Variants in CNTNAP2 observed in about 807,000 individuals in gnomAD.
CNTNAP2 encodes the protein contactin associated protein 2, also known as contactin-associated protein-like 2.
CNTNAP2 carries 98 observed loss-of-function variants against 155.2 expected under a neutral mutation model. That is an observed-to-expected ratio of 0.63 (90% confidence interval 0.54 to 0.75). CNTNAP2 has a LOEUF of 0.75. Ranked by LOEUF, CNTNAP2 falls within the 30% of genes least tolerant of loss-of-function variation. CNTNAP2 has a pLI of 0.00. For missense variants in CNTNAP2, 1,727 were observed against 1,688.1 expected (o/e 1.02, Z -0.40); for synonymous variants, 651 against 631.2 (o/e 1.03, Z -0.47).
intron 1 of CNTNAP2, among the ~76,000 whole-genome samples, chr7:146,451,393 A>T (rs2129122307): frequency 6.6e-6 from 1 of 151,288 alleles, no homozygotes; most frequent in Non-Finnish European, 1.5e-5. Flanking sequence ...AAACCATCTC[A>T]CTCCTTCATG....
intron 1 of CNTNAP2, among the ~76,000 whole-genome samples, chr7:146,358,208 G>C (rs1016266422): frequency 6.6e-6 from 1 of 151,834 alleles, no homozygotes; most frequent in Admixed American, 6.6e-5. Flanking sequence ...CTAATTTTTT[G>C]TATTTTTAGT....
At chr7:146,142,373 G>T (rs191113574) in intron 1 of CNTNAP2, among the ~76,000 whole-genome samples, 2,316 of 152,238 alleles carry the variant, frequency 0.015, 51 homozygotes, top group African/African-American at 0.052. Flanking sequence ...CCCCTTCAGT[G>T]AGGCATCTTT....
chr7:147,605,913 C>G (rs987268893), intron 12 of CNTNAP2, among the ~76,000 whole-genome samples: 5 of 151,036 alleles, frequency 3.3e-5, no homozygotes, highest in African/African-American at 1.2e-4. Flanking sequence ...CTTTCTCTCT[C>G]TCTGTGTGTG....
chr7:146,935,583 C>T (rs559427778), intron 3 of CNTNAP2, among the ~76,000 whole-genome samples: 8 of 152,258 alleles, frequency 5.3e-5, no homozygotes, highest in African/African-American at 1.9e-4. Flanking sequence ...AGAAATGTAT[C>T]CCTCATGATA....
intron 1 of CNTNAP2, among the ~76,000 whole-genome samples, chr7:146,573,583 A>G (rs564286084): frequency 4.4e-4 from 67 of 152,282 alleles, no homozygotes; most frequent in African/African-American, 1.5e-3. Context: ...TATCATATTG[A>G]ATAGTGTTTA....
intron 3 of CNTNAP2, among the ~76,000 whole-genome samples, chr7:146,942,759 A>C (rs1452758915): frequency 6.6e-6 from 1 of 152,170 alleles, no homozygotes; most frequent in Non-Finnish European, 1.5e-5. Context: ...TGCCAATGTT[A>C]GTGTGTTTTG....
intron 13 of CNTNAP2, among the ~76,000 whole-genome samples, chr7:147,867,030 T>A (rs1186425618): frequency 6.6e-6 from 1 of 152,194 alleles, no homozygotes; most frequent in Admixed American, 6.5e-5. Context: ...ATTGATGCAG[T>A]TTCTTCACAG....
At chr7:147,745,813 C>T (rs115425215) in intron 13 of CNTNAP2, among the ~76,000 whole-genome samples, 110 of 152,278 alleles carry the variant, frequency 7.2e-4, no homozygotes, top group African/African-American at 2.2e-3. Context: ...TCTTCACAAG[C>T]GCAATCATTC....
intron 13 of CNTNAP2, among the ~76,000 whole-genome samples, chr7:147,816,314 G>A (rs1404278687): frequency 6.6e-6 from 1 of 152,184 alleles, no homozygotes; most frequent in Non-Finnish European, 1.5e-5. Flanking sequence ...ATGGGGGATG[G>A]AGAAAGAATG....
chr7:146,189,880 G>C (rs759945927), intron 1 of CNTNAP2, among the ~76,000 whole-genome samples: 4 of 152,096 alleles, frequency 2.6e-5, no homozygotes, highest in African/African-American at 4.8e-5. Flanking sequence ...TTATCATGTA[G>C]AACACTCTTT....
chr7:147,635,728 G>T (rs146339604), intron 12 of CNTNAP2, among the ~76,000 whole-genome samples: 15 of 152,238 alleles, frequency 9.9e-5, no homozygotes, highest in African/African-American at 2.4e-4. Context: ...CTGTAAATGG[G>T]TGACCATTTG....
intron 3 of CNTNAP2, among the ~76,000 whole-genome samples, chr7:146,897,120 A>G (rs569195064): frequency 6.6e-6 from 1 of 152,214 alleles, no homozygotes; most frequent in East Asian, 1.9e-4. Flanking sequence ...AAAAGTCAAA[A>G]CGTCACTCTT....
At chr7:146,304,647 T>C (rs1216073609) in intron 1 of CNTNAP2, among the ~76,000 whole-genome samples, 8 of 152,156 alleles carry the variant, frequency 5.3e-5, no homozygotes. Flanking sequence ...CTGCTGTTAG[T>C]CTCATGGGCT....
chr7:147,359,101 C>G (rs1283993823), intron 9 of CNTNAP2, among the ~76,000 whole-genome samples: 2 of 152,118 alleles, frequency 1.3e-5, no homozygotes, highest in Non-Finnish European at 2.9e-5. Flanking sequence ...ATTTAGTTTA[C>G]TTTTCTGCAT....
rs368905425 is a variant in CNTNAP2 at position 147,639,246 on chromosome 7, G to A, written c.2038G>A (p.Glu680Lys). 162 of 1,613,966 alleles carry A rather than the reference G, an allele frequency of 1.0e-4. No individual in the cohort carries two copies. Among genetic ancestry groups the A allele is most frequent in the Non-Finnish European group, 1.3e-4 (157 of 1,180,006 alleles). The change falls in exon 13 of 24, where the codon GAG becomes AAG. Residue 680 changes from glutamate to lysine, a missense_variant. Physicochemically the swap from Glu to Lys is moderately conservative, Grantham distance 56. Coordinates refer to ENST00000361727, the MANE Select transcript of CNTNAP2 (RefSeq NM_014141.6). Reference protein sequence around the residue: ...DQISAITDSAEYCEQYVSYFC... With the variant: ...DQISAITDSAKYCEQYVSYFC... ...GATAAGTGCCATCACTGACAGTGCC[G>A]AGTACTGCGAGCAGTATGTCTCCTA...
chr7:146,870,208 C>T (rs1795278619), intron 3 of CNTNAP2, among the ~76,000 whole-genome samples: 1 of 137,512 alleles, frequency 7.3e-6, no homozygotes, highest in Non-Finnish European at 1.6e-5. Flanking sequence ...CTACCAGGTC[C>T]TGGGCTTTTT....
intron 17 of CNTNAP2, among the ~76,000 whole-genome samples, chr7:148,154,335 A>G (rs765781422): frequency 4.6e-5 from 7 of 152,232 alleles, no homozygotes; most frequent in Non-Finnish European, 1.0e-4. Flanking sequence ...AGTTTATGGA[A>G]GAGTTGAGGT....
intron 8 of CNTNAP2, among the ~76,000 whole-genome samples, chr7:147,198,085 A>G (rs1161549137): frequency 6.6e-6 from 1 of 152,172 alleles, no homozygotes; most frequent in Admixed American, 6.5e-5. Flanking sequence ...TCAAAAACTT[A>G]TTGATAAATC....
chr7:147,447,451 T>C (rs1018572733), intron 10 of CNTNAP2, among the ~76,000 whole-genome samples: 1 of 152,162 alleles, frequency 6.6e-6, no homozygotes, highest in African/African-American at 2.4e-5. Flanking sequence ...AGTCTCCCTC[T>C]GTCACCCAGG....
Sources: allele counts gnomAD v4.1 joint callset (sites outside exome capture counted in the v4.1 genomes callset), GRCh38; gene constraint gnomAD v4.1.1; transcripts MANE v1.5; gene names NCBI Gene and HGNC (gene_info 2026-07-23, HGNC 2026-07-21).